Variants in GRIK2 observed in about 807,000 individuals in gnomAD.
GRIK2 encodes glutamate receptor ionotropic, kainate 2.
In GRIK2, 32 loss-of-function variants were observed where a neutral mutation model predicts 100.3. The observed-to-expected ratio is 0.32, with a 90% CI of 0.24 to 0.43. The LOEUF (loss-of-function observed/expected upper bound fraction) is 0.43. Ranked by LOEUF, GRIK2 falls within the 20% of genes least tolerant of loss-of-function variation. GRIK2 has a pLI of 1.00. For missense variants in GRIK2, 843 were observed against 1,114.9 expected, an observed-to-expected ratio of 0.76 and a Z score of 3.47; for synonymous variants, 417 against 389.4, an observed-to-expected ratio of 1.07 and a Z score of -0.83.
At chr6:102,014,535 G>A (rs1286801393) in intron 14 of GRIK2, among the ~76,000 whole-genome samples, 4 of 151,956 alleles carry the variant, frequency 2.6e-5, no homozygotes, top group Non-Finnish European at 4.4e-5. Flanking sequence ...TGTGATGTTA[G>A]GTTGTTAAAT....
chr6:101,526,076 T>A (rs915892884), intron 2 of GRIK2, among the ~76,000 whole-genome samples: 1 of 152,170 alleles, frequency 6.6e-6, no homozygotes, highest in African/African-American at 2.4e-5. Flanking sequence ...AGAGCAGAAT[T>A]GATTCCTAGA....
chr6:101,509,255 C>T (rs1025120035), intron 2 of GRIK2, among the ~76,000 whole-genome samples: 2 of 151,718 alleles, frequency 1.3e-5, no homozygotes, highest in African/African-American at 4.8e-5. Flanking sequence ...CCAACTTGAC[C>T]ACAGTGGTTA....
intron 2 of GRIK2, among the ~76,000 whole-genome samples, chr6:101,427,600 A>G (rs1769112119): frequency 1.3e-5 from 2 of 152,216 alleles, no homozygotes; most frequent in Non-Finnish European, 2.9e-5. Context: ...TCTAGCAAAG[A>G]ATGTACCTGT....
At chr6:101,730,122 A>C (rs959759703) in intron 7 of GRIK2, among the ~76,000 whole-genome samples, 8 of 151,988 alleles carry the variant, frequency 5.3e-5, no homozygotes, top group African/African-American at 1.9e-4. Context: ...CATTAGAGAA[A>C]AACACAGTTT....
At chr6:102,003,882 G>A (rs2114273815) in intron 14 of GRIK2, among the ~76,000 whole-genome samples, 1 of 151,722 alleles carries the variant, frequency 6.6e-6, no homozygotes, top group African/African-American at 2.4e-5. Context: ...ATAGTGCTTA[G>A]CAGTCTGAAA....
At chr6:101,474,758 C>T (rs964799911) in intron 2 of GRIK2, among the ~76,000 whole-genome samples, 14 of 151,516 alleles carry the variant, frequency 9.2e-5, no homozygotes, top group Admixed American at 2.0e-4. Flanking sequence ...TTGTTAGCTA[C>T]GCAAGTCATA....
At chr6:101,794,469 A>G (rs1460023477) in intron 7 of GRIK2, among the ~76,000 whole-genome samples, 2 of 151,388 alleles carry the variant, frequency 1.3e-5, no homozygotes, top group African/African-American at 4.9e-5. Context: ...AAAGGTTATT[A>G]TTCTTTAATT....
chr6:101,500,342 T>C (rs1165885410), intron 2 of GRIK2, among the ~76,000 whole-genome samples: 3 of 152,126 alleles, frequency 2.0e-5, no homozygotes, highest in Non-Finnish European at 4.4e-5. Context: ...TTCACAGATA[T>C]GTGGGATTTA....
At chr6:101,650,059 T>C (rs1781714101) in intron 4 of GRIK2, among the ~76,000 whole-genome samples, 1 of 152,094 alleles carries the variant, frequency 6.6e-6, no homozygotes, top group African/African-American at 2.4e-5. Context: ...TCCAGACAAA[T>C]TACTGTTTCC....
intron 7 of GRIK2, among the ~76,000 whole-genome samples, chr6:101,784,923 T>C (rs946467904): frequency 2.0e-5 from 3 of 152,184 alleles, no homozygotes; most frequent in Non-Finnish European, 4.4e-5. Context: ...TCAGCAGCAG[T>C]GTATAAGAGT....
At chr6:101,411,531 A>G (rs922187908) in intron 2 of GRIK2, among the ~76,000 whole-genome samples, 7 of 152,118 alleles carry the variant, frequency 4.6e-5, no homozygotes, top group Admixed American at 3.9e-4. Flanking sequence ...CAAAATAAAG[A>G]TCTCACACAC....
chr6:101,798,330 C>A (rs1181533400), intron 7 of GRIK2, among the ~76,000 whole-genome samples: 1 of 152,010 alleles, frequency 6.6e-6, no homozygotes, highest in Non-Finnish European at 1.5e-5. Flanking sequence ...AGACAAATAT[C>A]AGTCAAATCC....
intron 2 of GRIK2, among the ~76,000 whole-genome samples, chr6:101,435,213 A>C (rs985737507): frequency 2.6e-5 from 4 of 151,990 alleles, no homozygotes; most frequent in Non-Finnish European, 1.5e-5. Context: ...CTTGCACTTA[A>C]TTCCCCAGAA....
chr6:101,796,879 T>G (rs1273262982), intron 7 of GRIK2, among the ~76,000 whole-genome samples: 1 of 152,090 alleles, frequency 6.6e-6, no homozygotes, highest in Non-Finnish European at 1.5e-5. Context: ...ATTATCTAAT[T>G]TTTATAATTG....
intron 7 of GRIK2, among the ~76,000 whole-genome samples, chr6:101,708,970 A>G (rs1457844515): frequency 6.6e-6 from 1 of 151,848 alleles, no homozygotes; most frequent in Non-Finnish European, 1.5e-5. Context: ...ATTTCCTTGT[A>G]TATATTATTA....
At chr6:101,545,948 T>A (rs980641666) in intron 2 of GRIK2, among the ~76,000 whole-genome samples, 2 of 6,346 alleles carry the variant, frequency 3.2e-4, no homozygotes, top group African/African-American at 3.6e-3. Flanking sequence ...TTCTCAACAT[T>A]TTTTTTTTTT....
chr6:102,063,914 T>C, intron 16 of GRIK2: 1 of 787,536 alleles, frequency 1.3e-6, no homozygotes, highest in Non-Finnish European at 2.2e-6. Context: ...CTAATTTAAA[T>C]GCAATTATAC....
intron 14 of GRIK2, among the ~76,000 whole-genome samples, chr6:102,021,954 C>CA (rs1391939418): frequency 1.2e-3 from 139 of 119,072 alleles, no homozygotes; most frequent in African/African-American, 4.2e-3. Flanking sequence ...CTGATACATT[C>CA]GGAAAAAAAA....
At chr6:101,737,535 A>G (rs2084076955) in intron 7 of GRIK2, among the ~76,000 whole-genome samples, 1 of 151,822 alleles carries the variant, frequency 6.6e-6, no homozygotes, top group Admixed American at 6.6e-5. Flanking sequence ...CCTATTCACT[A>G]TCACAAGAAC....
Sources: gnomAD v4.1 joint callset for allele counts (sites outside exome capture counted in the v4.1 genomes callset) on GRCh38, gnomAD v4.1.1 for gene constraint, MANE v1.5 for transcripts, NCBI Gene and HGNC (gene_info 2026-07-23, HGNC 2026-07-21) for gene names.